CDH10: variants seen among roughly 807,000 people sequenced by gnomAD.
CDH10 encodes the protein cadherin-10.
Under a neutral mutation model 73.1 loss-of-function variants are expected in CDH10, and 30 were observed. The ratio of observed to expected loss-of-function variants is 0.41; its 90% confidence interval spans 0.31 to 0.56. CDH10 has a LOEUF of 0.56. CDH10 is among the 20% of genes least tolerant of loss of function. The probability of loss-of-function intolerance (pLI) is 0.27; values close to 1 mark genes in which losing one functional copy is unlikely to be tolerated. For synonymous variants in CDH10, 345 were observed against 348.2 expected (o/e 0.99, Z 0.10); for missense variants, 815 against 973.7 (o/e 0.84, Z 2.17).
intron 8 of CDH10, among the ~76,000 whole-genome samples, chr5:24,500,046 T>G (rs73743605): frequency 0.038 from 5,856 of 152,294 alleles, 357 homozygotes; most frequent in African/African-American, 0.13. Context: ...GCAACCTTAT[T>G]AAATGGTCTC....
At chr5:24,606,576 A>G (rs1309475635) in intron 1 of CDH10, among the ~76,000 whole-genome samples, 2 of 152,118 alleles carry the variant, frequency 1.3e-5, no homozygotes, top group South Asian at 4.1e-4. Context: ...ACACCACTGC[A>G]CTCCAGCCTG....
chr5:24,610,598 G>C (rs1172673963), intron 1 of CDH10, among the ~76,000 whole-genome samples: 16 of 152,062 alleles, frequency 1.1e-4, no homozygotes, highest in Non-Finnish European at 1.5e-5. Context: ...TGTGAATATA[G>C]AGATTATATA....
At chr5:24,600,200 T>C (rs1561189436) in intron 1 of CDH10, among the ~76,000 whole-genome samples, 2 of 152,314 alleles carry the variant, frequency 1.3e-5, no homozygotes, top group South Asian at 4.1e-4. Flanking sequence ...ATATAGAATA[T>C]AGAATCCGAA....
intron 2 of CDH10, among the ~76,000 whole-genome samples, chr5:24,557,980 T>G (rs1413784954): frequency 6.6e-6 from 1 of 151,908 alleles, no homozygotes; most frequent in South Asian, 2.1e-4. Flanking sequence ...AGAATTCAAA[T>G]TTTTAGAAAC....
chr5:24,637,276 G>A (rs1473088652), intron 1 of CDH10, among the ~76,000 whole-genome samples: 1 of 151,922 alleles, frequency 6.6e-6, no homozygotes, highest in African/African-American at 2.4e-5. Context: ...CTTGGCAAAT[G>A]AAGGAATGAA....
chr5:24,518,541 A>T (rs571821002), intron 5 of CDH10, among the ~76,000 whole-genome samples: 1 of 152,224 alleles, frequency 6.6e-6, no homozygotes, highest in South Asian at 2.1e-4. Flanking sequence ...AAGCTAATAA[A>T]TCTTTAATAT....
intron 2 of CDH10, among the ~76,000 whole-genome samples, chr5:24,571,037 C>T (rs1363577442): frequency 6.6e-6 from 1 of 152,072 alleles, no homozygotes; most frequent in East Asian, 1.9e-4. Flanking sequence ...TGGTGACCAT[C>T]AGCCCATTCT....
intron 1 of CDH10, among the ~76,000 whole-genome samples, chr5:24,640,809 T>C (rs1282898139): frequency 1.3e-5 from 2 of 151,858 alleles, no homozygotes. Context: ...TCTCTTAAAG[T>C]GTATAGGTCA....
At chr5:24,590,957 G>C (rs542020794) in intron 2 of CDH10, among the ~76,000 whole-genome samples, 2 of 151,808 alleles carry the variant, frequency 1.3e-5, no homozygotes, top group Admixed American at 6.6e-5. Context: ...TGTAAAAACC[G>C]GAATAATTTC....
At chr5:24,601,031 T>G (rs1746544964) in intron 1 of CDH10, among the ~76,000 whole-genome samples, 1 of 152,064 alleles carries the variant, frequency 6.6e-6, no homozygotes, top group African/African-American at 2.4e-5. Flanking sequence ...ATTTTACAAC[T>G]GCATTTAAGC....
chr5:24,596,603 T>C (rs1370990825), intron 1 of CDH10, among the ~76,000 whole-genome samples: 1 of 151,980 alleles, frequency 6.6e-6, no homozygotes, highest in Non-Finnish European at 1.5e-5. Flanking sequence ...AAACTTTATA[T>C]TTCATTTCAA....
intron 2 of CDH10, among the ~76,000 whole-genome samples, chr5:24,583,080 G>T (rs949993420): frequency 2.6e-5 from 4 of 151,374 alleles, no homozygotes; most frequent in Non-Finnish European, 4.4e-5. Context: ...AAAACTAAAC[G>T]TCCTTTAAAA....
chr5:24,511,148 T>C (rs750038922), intron 6 of CDH10, among the ~76,000 whole-genome samples, 179 bp downstream of exon 6: 1 of 152,190 alleles, frequency 6.6e-6, no homozygotes, highest in Non-Finnish European at 1.5e-5. Context: ...CCAAAACATG[T>C]GGTCAAAATT....
intron 7 of CDH10, among the ~76,000 whole-genome samples, chr5:24,508,009 G>C (rs1480961006): frequency 6.6e-6 from 1 of 152,188 alleles, no homozygotes; most frequent in South Asian, 2.1e-4. Context: ...ATTTTTAACT[G>C]GTTGAAGTCA....
In CDH10 at chr5:24,579,983, C is replaced by A. The variant is rs1745738134; in HGVS notation, c.231+13277G>T. On this transcript the variant is annotated intron_variant, in intron 2 of 11. Transcript: ENST00000264463. ...AATCTGTTTTTTTCTCCCTAATGCT[C>A]TATCGCTTCAAATAAAAGCAGATTT... is the stretch of plus-strand genomic sequence containing the variant. Among the ~76,000 whole-genome samples, 2 of 152,214 alleles carry A rather than the reference C, an allele frequency of 1.3e-5. 1 individual carries two copies. The highest frequency in any genetic ancestry group is 4.1e-4 in the South Asian group (2 of 4,832).
intron 1 of CDH10, among the ~76,000 whole-genome samples, chr5:24,626,896 ATG>A (rs1491248253): frequency 6.8e-6 from 1 of 148,114 alleles, no homozygotes; most frequent in African/African-American, 2.5e-5. Context: ...ATGTGTATAT[ATG>A]TGTATATATA....
intron 1 of CDH10, among the ~76,000 whole-genome samples, chr5:24,627,815 CACA>C (rs146089649): frequency 0.016 from 2,475 of 152,056 alleles, 65 homozygotes; most frequent in African/African-American, 0.056. Context: ...TTAGTGAAAG[CACA>C]ACGATAGCTT....
intron 2 of CDH10, among the ~76,000 whole-genome samples, chr5:24,588,913 G>C (rs1393263871): frequency 6.6e-6 from 1 of 152,120 alleles, no homozygotes; most frequent in African/African-American, 2.4e-5. Context: ...GATTCGTACA[G>C]CAAAAACCCT....
chr5:24,639,994 G>A (rs1747992386), intron 1 of CDH10, among the ~76,000 whole-genome samples: 1 of 151,742 alleles, frequency 6.6e-6, no homozygotes, highest in Admixed American at 6.6e-5. Flanking sequence ...AGAAGCCTCA[G>A]TGTTATAAAA....
Sources: gnomAD v4.1 joint callset for allele counts (sites outside exome capture counted in the v4.1 genomes callset) on GRCh38, gnomAD v4.1.1 for gene constraint, MANE v1.5 for transcripts, NCBI Gene and HGNC (gene_info 2026-07-23, HGNC 2026-07-21) for gene names.